Variants in RBFOX3 observed in about 807,000 individuals in gnomAD.
RBFOX3 encodes RNA binding protein fox-1 homolog 3.
A neutral mutation model predicts 48.7 loss-of-function variants in RBFOX3; 17 were observed. The observed-to-expected ratio is 0.35, with a 90% confidence interval of 0.24 to 0.52. The LOEUF (loss-of-function observed/expected upper bound fraction) is 0.52, where lower values mean the gene tolerates loss of function less well. Ranked by LOEUF, RBFOX3 falls within the 20% of genes least tolerant of loss-of-function variation. RBFOX3 has a pLI of 0.94. For synonymous variants in RBFOX3, 212 were observed against 209.5 expected (o/e 1.01, Z -0.10); for missense variants, 382 against 497.5 (o/e 0.77, Z 2.21).
In RBFOX3 at chr17:79,188,390, G is replaced by A. The variant is rs562068702; in HGVS notation, c.-34+47376C>T. Among the ~76,000 whole-genome samples, 32 of 152,360 alleles carry A rather than the reference G, an allele frequency of 2.1e-4. 1 individual carries two copies. Among genetic ancestry groups the A allele is most frequent in the African/African-American group, 6.5e-4 (27 of 41,574 alleles). ...GACTGCAGCAAAAGTAAAAATCGGC[G>A]TGCAAAGGAAGTTTATTTATCTGTT... On this transcript the variant is annotated intron_variant, in intron 4 of 14. Transcript: ENST00000693108.
chr17:79,619,673 G>C, the RBFOX3 span, among the ~76,000 whole-genome samples: 1 of 152,106 alleles, frequency 6.6e-6, no homozygotes, highest in South Asian at 2.1e-4. Context: ...CCACTACAAA[G>C]GGCTTGTGAA....
chr17:79,508,091 AT>A (rs1226794888), intron 1 of RBFOX3, among the ~76,000 whole-genome samples: 1 of 152,216 alleles, frequency 6.6e-6, no homozygotes, highest in Non-Finnish European at 1.5e-5. Flanking sequence ...GCCTGGTAAC[AT>A]GGAAAACACC....
rs1190946480 is a variant in RBFOX3 at position 79,361,359 on chromosome 17, A to G, written c.-174-53535T>C. On this transcript the variant is annotated intron_variant, in intron 2 of 14. Coordinates refer to ENST00000693108, the MANE Select transcript of RBFOX3 (RefSeq NM_001350451.2). This position sits in a 1 kb window ranked among gnomAD's most constrained non-coding sequence, Gnocchi z 4.5. ...TGCTTACCCGCTAACAGCTCTGTGC[A>G]GGTGGCATGAGCTTGCATCCCCCAC... Among the ~76,000 whole-genome samples, 1 of 152,206 alleles carries G rather than the reference A, an allele frequency of 6.6e-6. No homozygotes were observed. The highest frequency in any genetic ancestry group is 1.5e-5 in the Non-Finnish European group (1 of 68,038).
At chr17:79,489,064 AT>A (rs1432266164) in intron 1 of RBFOX3, among the ~76,000 whole-genome samples, 1 of 152,134 alleles carries the variant, frequency 6.6e-6, no homozygotes, top group East Asian at 1.9e-4. Flanking sequence ...ATCACCAGAA[AT>A]ATGCTTGCAT....
intron 1 of RBFOX3, among the ~76,000 whole-genome samples, chr17:79,606,099 A>C (rs2093824177): frequency 6.6e-6 from 1 of 152,154 alleles, no homozygotes. Flanking sequence ...AGCAGTGAGA[A>C]GGGAGAGGAG....
rs1251964964 is a variant in RBFOX3 at position 79,212,689 on chromosome 17, A to G, written c.-34+23077T>C. Among the ~76,000 whole-genome samples, 1 of 152,186 alleles carries G rather than the reference A, an allele frequency of 6.6e-6. No homozygotes were observed. The highest frequency in any genetic ancestry group is 1.5e-5 in the Non-Finnish European group (1 of 68,042). ...TCCTTTTCAATCACAAATGTCGCTG[A>G]CAGTCCCCACACTACCACTTGTTTC... On this transcript the variant is annotated intron_variant, in intron 4 of 14. Coordinates refer to ENST00000693108, the MANE Select transcript of RBFOX3 (RefSeq NM_001350451.2). This position sits in a 1 kb window ranked among gnomAD's most constrained non-coding sequence, Gnocchi z 4.7.
intron 3 of RBFOX3, among the ~76,000 whole-genome samples, chr17:79,275,829 C>A (rs2068701046): frequency 6.6e-6 from 1 of 152,184 alleles, no homozygotes; most frequent in Admixed American, 6.5e-5. Context: ...GACATTTCCT[C>A]TAAATCCAGA....
chr17:79,326,700 A>T (rs2079385071), intron 2 of RBFOX3, among the ~76,000 whole-genome samples: 2 of 152,144 alleles, frequency 1.3e-5, no homozygotes, highest in South Asian at 4.2e-4. Context: ...CTCCAGCTGC[A>T]TTACTCCCGA....
At chr17:79,474,005 G>A (rs2077373081) in intron 2 of RBFOX3, among the ~76,000 whole-genome samples, 1 of 151,932 alleles carries the variant, frequency 6.6e-6, no homozygotes, top group Admixed American at 6.6e-5. Flanking sequence ...GTATATCCTT[G>A]CAAATCGGGT....
chr17:79,120,387 A>G lies in RBFOX3; in HGVS notation c.-33-4639T>C, dbSNP rs893115245. Among the ~76,000 whole-genome samples, 12 of 151,960 alleles carry G rather than the reference A, an allele frequency of 7.9e-5. 1 individual carries two copies. The highest frequency in any genetic ancestry group is 2.4e-4 in the African/African-American group (10 of 41,454). ...GATGGAAGGATAAATGGATGGTTGGATAGATGGGTGGATGGATGGATTAAA... is the reference window on the plus strand; with the variant it reads ...GATGGAAGGATAAATGGATGGTTGGGTAGATGGGTGGATGGATGGATTAAA... On this transcript the variant is annotated intron_variant, in intron 4 of 14. Coordinates refer to ENST00000693108, the MANE Select transcript of RBFOX3 (RefSeq NM_001350451.2).
chr17:79,346,316 A>G (rs189709332), intron 2 of RBFOX3, among the ~76,000 whole-genome samples: 2 of 152,348 alleles, frequency 1.3e-5, no homozygotes, highest in East Asian at 3.9e-4. Flanking sequence ...TGTACTTTGT[A>G]TATGGGTAAC....
chr17:79,456,576 A>G (rs894780003), intron 2 of RBFOX3, among the ~76,000 whole-genome samples: 3 of 152,138 alleles, frequency 2.0e-5, no homozygotes, highest in African/African-American at 7.2e-5. Context: ...CCTTCTAACC[A>G]TATACCAGAC....
chr17:79,648,712 C>T, the RBFOX3 span, among the ~76,000 whole-genome samples: 4 of 152,278 alleles, frequency 2.6e-5, no homozygotes, highest in African/African-American at 9.6e-5. Context: ...TACATAACTC[C>T]GGCAGGGGCT....
At chr17:79,215,753 A>C (rs1172069929) in intron 4 of RBFOX3, among the ~76,000 whole-genome samples, 1 of 152,262 alleles carries the variant, frequency 6.6e-6, no homozygotes, top group African/African-American at 2.4e-5. Context: ...GTAGGCAGCC[A>C]TGCCACGCTG....
At chr17:79,101,773 G>A in intron 8 of RBFOX3, 129 bp from the exon 9 acceptor site, 1 of 831,148 alleles carries the variant, frequency 1.2e-6, no homozygotes, top group Non-Finnish European at 2.0e-6. Context: ...TCTCCACCAT[G>A]CTGCCTGCCC....
intron 2 of RBFOX3, among the ~76,000 whole-genome samples, chr17:79,323,602 GC>G (rs2078870505): frequency 6.6e-6 from 1 of 152,218 alleles, no homozygotes; most frequent in African/African-American, 2.4e-5. Context: ...TGCCCACCCA[GC>G]TGGACCTCCT....
At chr17:79,458,963 C>T (rs1555746936) in intron 2 of RBFOX3, among the ~76,000 whole-genome samples, 1 of 152,214 alleles carries the variant, frequency 6.6e-6, no homozygotes, top group African/African-American at 2.4e-5. Flanking sequence ...GGGCACCTGC[C>T]TGTGCAGAAT....
At chr17:79,226,433 T>C (rs1472834241) in intron 4 of RBFOX3, among the ~76,000 whole-genome samples, 2 of 152,178 alleles carry the variant, frequency 1.3e-5, no homozygotes, top group Middle Eastern at 3.2e-3. Context: ...GATTTTGTAA[T>C]GGTTGGTATT....
At chr17:79,356,157 G>A (rs1265681553) in intron 2 of RBFOX3, among the ~76,000 whole-genome samples, 1 of 152,006 alleles carries the variant, frequency 6.6e-6, no homozygotes, top group African/African-American at 2.4e-5. Flanking sequence ...TTGAGCTGAC[G>A]TCGGTCCTGC....
Sources: allele counts gnomAD v4.1 joint callset (sites outside exome capture counted in the v4.1 genomes callset), GRCh38; gene constraint gnomAD v4.1.1; non-coding constraint Gnocchi (gnomAD v3.1); transcripts MANE v1.5; gene names NCBI Gene and HGNC (gene_info 2026-07-23, HGNC 2026-07-21).